The following TNRC6B variants were observed in gnomAD, a reference collection of about 807,000 sequenced individuals.
TNRC6B encodes trinucleotide repeat-containing gene 6B protein.
Under a neutral mutation model 203.6 loss-of-function variants are expected in TNRC6B, and 52 were observed. That is an observed-to-expected ratio of 0.26 (90% CI 0.20 to 0.32). TNRC6B has a LOEUF of 0.32. Among genes scored for constraint, TNRC6B ranks in the 10% least tolerant of loss-of-function variants. TNRC6B has a pLI of 1.00. For missense variants in TNRC6B, 1,923 were observed against 2,286.2 expected, an observed-to-expected ratio of 0.84 and a Z score of 3.24; for synonymous variants, 838 against 845.7, an observed-to-expected ratio of 0.99 and a Z score of 0.16.
At chr22:40,130,779 TAAAAAAAAA>T (rs200268757) in intron 3 of TNRC6B, among the ~76,000 whole-genome samples, 1 of 65,064 alleles carries the variant, frequency 1.5e-5, no homozygotes, top group African/African-American at 6.6e-5. Context: ...AGACTCCGTC[TAAAAAAAAA>T]AAAAAAAAAA....
chr22:40,092,589 G>A (rs544103657), intron 1 of TNRC6B, among the ~76,000 whole-genome samples: 9 of 152,006 alleles, frequency 5.9e-5, no homozygotes, highest in Non-Finnish European at 1.2e-4. Flanking sequence ...GTTCACTGCC[G>A]CCTCAAACTC....
chr22:40,067,987 A>G (rs2067911083), intron 1 of TNRC6B, among the ~76,000 whole-genome samples: 1 of 152,140 alleles, frequency 6.6e-6, no homozygotes, highest in Non-Finnish European at 1.5e-5. Flanking sequence ...CATAGAACCA[A>G]GTAGATTGGA....
intron 1 of TNRC6B, among the ~76,000 whole-genome samples, chr22:40,180,891 A>ACC (rs146193685): frequency 1.6e-4 from 24 of 151,230 alleles, no homozygotes; most frequent in East Asian, 1.2e-3. Flanking sequence ...ATTAACTGCC[A>ACC]CCCCCCCCAC....
At chr22:40,255,816 A>G (rs895627538) in intron 3 of TNRC6B, among the ~76,000 whole-genome samples, 1 of 152,012 alleles carries the variant, frequency 6.6e-6, no homozygotes, top group African/African-American at 2.4e-5. Context: ...TGGATACTGT[A>G]TGTCTATTAA....
At chr22:40,208,123 A>C (rs1386006028) in intron 1 of TNRC6B, among the ~76,000 whole-genome samples, 2 of 150,362 alleles carry the variant, frequency 1.3e-5, no homozygotes, top group Non-Finnish European at 3.0e-5. Flanking sequence ...AAAAAAAAAA[A>C]AAAAAAAAAC....
intron 1 of TNRC6B, among the ~76,000 whole-genome samples, chr22:40,088,584 T>TTGTGTGTGTGTGTGTGTGTGTGTG (rs58537972): frequency 8.0e-6 from 1 of 125,136 alleles, no homozygotes. Context: ...GCGGCTACTT[T>TTGTGTGTGTGTGTGTGTGTGTGTG]TGTGTGTGTG....
At chr22:40,249,607 CAT>C (rs779024295) in intron 2 of TNRC6B, among the ~76,000 whole-genome samples, 11 of 152,192 alleles carry the variant, frequency 7.2e-5, no homozygotes, top group Non-Finnish European at 1.5e-4. Context: ...CATGATAAAA[CAT>C]ATTTGACATT....
intron 1 of TNRC6B, among the ~76,000 whole-genome samples, chr22:40,089,704 A>G (rs551141260): frequency 6.6e-6 from 1 of 152,200 alleles, no homozygotes; most frequent in African/African-American, 2.4e-5. Flanking sequence ...GTACACCATT[A>G]TTACTCAAAG....
chr22:40,078,509 C>T (rs7284980), intron 1 of TNRC6B, among the ~76,000 whole-genome samples: 35,217 of 151,966 alleles, frequency 0.23, 4,509 homozygotes, highest in African/African-American at 0.34. Context: ...GGAGATGGAA[C>T]GAGACCCTGT....
chr22:40,309,942 C>T (rs1296931249), intron 16 of TNRC6B, among the ~76,000 whole-genome samples: 1 of 152,010 alleles, frequency 6.6e-6, no homozygotes, highest in African/African-American at 2.4e-5. Context: ...TAATTTTATC[C>T]CTTCACAAGC....
Position 40,246,019 on chromosome 22 carries a change from A to G in TNRC6B, c.10A>G (p.Lys4Glu), listed in dbSNP as rs1217158234. ...GTTATGATGTTACTTTAATAGAGAG[A>G]AGGAGCAAGAAAGGGAAGAACAGTT... Reference protein sequence around the residue: MREKEQEREEQLME... With the variant: MREEEQEREEQLME... The change falls in exon 2 of 23, where the codon AAG becomes GAG. Residue 4 changes from lysine (K) to glutamate (E), a missense_variant. Physicochemically the swap from Lys to Glu is moderately conservative, Grantham distance 56. Around this residue, in one of 8 missense-constraint regions of TNRC6B, gnomAD observed 111 missense variants for 155.3 expected, o/e 0.71. Coordinates refer to ENST00000454349, the MANE Select transcript of TNRC6B (RefSeq NM_001162501.2). The G allele has an allele frequency of 6.5e-7, 1 of 1,545,142 alleles. No homozygotes were observed. The highest frequency in any genetic ancestry group is 2.4e-5 in the East Asian group (1 of 40,826).
intron 7 of TNRC6B, 106 bp downstream of exon 7, chr22:40,273,706 C>A: frequency 7.7e-7 from 1 of 1,302,756 alleles, no homozygotes; most frequent in Non-Finnish European, 1.0e-6. Context: ...CCTCTGTCAC[C>A]CAGACTGGAG....
chr22:40,222,637 A>G (rs1326856008), intron 1 of TNRC6B, among the ~76,000 whole-genome samples: 1 of 149,078 alleles, frequency 6.7e-6, no homozygotes, highest in Non-Finnish European at 1.5e-5. Flanking sequence ...AGATAATTAT[A>G]TATTCAAATG....
rs374630121 is a variant in TNRC6B, at chr22:40,052,292, T to G, written c.-121+7294T>G. On this transcript the variant is annotated intron_variant, in intron 1 of 23. Transcript: ENST00000301923. ...TACTTACGGTCTTTACCAATTTGCGTTATAATCAGAGGTAATATTACAATA... is the reference window on the plus strand; with the variant it reads ...TACTTACGGTCTTTACCAATTTGCGGTATAATCAGAGGTAATATTACAATA... Among the ~76,000 whole-genome samples the G allele has an allele frequency of 4.4e-3, 664 of 152,276 alleles. 3 individuals are homozygous for G. Among genetic ancestry groups the G allele is most frequent in the Middle Eastern group, 6.8e-3 (2 of 294 alleles).
chr22:40,193,465 TC>T (rs1181623489), intron 1 of TNRC6B, among the ~76,000 whole-genome samples: 3 of 152,216 alleles, frequency 2.0e-5, no homozygotes, highest in African/African-American at 7.2e-5. Flanking sequence ...TGGTTGGGCT[TC>T]CCTTCTGAAG....
chr22:40,152,242 G>A (rs1486010286), intron 3 of TNRC6B, among the ~76,000 whole-genome samples: 2 of 152,208 alleles, frequency 1.3e-5, no homozygotes, highest in Non-Finnish European at 2.9e-5. Context: ...CTGAGCTTCT[G>A]TGTAGCAGCT....
At chr22:40,124,743 G>A (rs1478953684) in intron 2 of TNRC6B, among the ~76,000 whole-genome samples, 1 of 152,014 alleles carries the variant, frequency 6.6e-6, no homozygotes, top group Non-Finnish European at 1.5e-5. Context: ...GGCCAGGAGC[G>A]GTGGCTCACG....
At chr22:40,256,634 T>TGCTTTGGCC (rs2070283312) in intron 3 of TNRC6B, among the ~76,000 whole-genome samples, 2 of 152,210 alleles carry the variant, frequency 1.3e-5, no homozygotes, top group African/African-American at 2.4e-5. Context: ...TTGTCTATGG[T>TGCTTTGGCC]GCTTTGGCCC....
In TNRC6B at chr22:40,262,177, A is replaced by G. The variant is rs2070397119; in HGVS notation, c.457+4A>G. ...AGTGAGAGTGGGACTGCGCCAGGTAAGGCACCCTGTGAATCGAATGCATGG... is the reference window on the plus strand; with the variant it reads ...AGTGAGAGTGGGACTGCGCCAGGTAGGGCACCCTGTGAATCGAATGCATGG... On this transcript the variant is annotated splice_donor_region_variant and intron_variant, in intron 4 of 22. Transcript: ENST00000454349. 7.3e-7 allele frequency: 1 copy of G among 1,376,408 alleles called. No homozygotes were observed. The highest frequency in any genetic ancestry group is 9.5e-7 in the Non-Finnish European group (1 of 1,048,698). 85.3% of individuals were successfully genotyped at this position (1,376,408 alleles called of 1,614,324 possible).
Sources: gnomAD v4.1 joint callset for allele counts (sites outside exome capture counted in the v4.1 genomes callset) on GRCh38, gnomAD v4.1.1 for gene constraint, gnomAD v4.1.1 regional missense constraint, MANE v1.5 for transcripts, NCBI Gene and HGNC (gene_info 2026-07-23, HGNC 2026-07-21) for gene names.